The following SH3GL2 variants were observed in gnomAD, a reference collection of about 807,000 sequenced individuals.
SH3GL2 encodes the protein endophilin-A1.
A neutral mutation model predicts 46.0 loss-of-function variants in SH3GL2; 24 were observed. That is an observed-to-expected ratio of 0.52 (90% CI 0.38 to 0.73). The LOEUF (loss-of-function observed/expected upper bound fraction) is 0.73, where lower values mean the gene tolerates loss of function less well. Among genes scored for constraint, SH3GL2 ranks in the 30% least tolerant of loss-of-function variants. The pLI is 0.00. For synonymous variants in SH3GL2, 196 were observed against 147.1 expected, an observed-to-expected ratio of 1.33 and a Z score of -2.40; for missense variants, 413 against 424.2, an observed-to-expected ratio of 0.97 and a Z score of 0.23.
rs186279795 is a variant in SH3GL2 at position 17,768,989 on chromosome 9, C to G, written c.187+7480C>G. Reference sequence around the variant, plus strand: ...TCGCTCCTTCTGAGCTAGCCTTCCTCAAACACACAGGCACTATTGTTCATG... The same window carrying G: ...TCGCTCCTTCTGAGCTAGCCTTCCTGAAACACACAGGCACTATTGTTCATG... On this transcript the variant is annotated intron_variant, in intron 3 of 8. Transcript: ENST00000380607. Among the ~76,000 whole-genome samples the G allele has an allele frequency of 2.3e-3, 344 of 152,312 alleles. 1 individual carries two copies. Among genetic ancestry groups the G allele is most frequent in the African/African-American group, 7.7e-3 (321 of 41,562 alleles).
At chr9:17,792,932 A>C (rs1824175169) in intron 7 of SH3GL2, among the ~76,000 whole-genome samples, 1 of 152,210 alleles carries the variant, frequency 6.6e-6, no homozygotes. Flanking sequence ...GTGGGTACAT[A>C]GGTGTATATA....
intron 1 of SH3GL2, among the ~76,000 whole-genome samples, chr9:17,670,524 T>G (rs1820447732): frequency 1.3e-5 from 2 of 152,330 alleles, no homozygotes; most frequent in African/African-American, 4.8e-5. Context: ...GCTTTTCAAG[T>G]ATTTTCCAAG....
chr9:17,677,904 T>A lies in SH3GL2; in HGVS notation c.46-69162T>A, dbSNP rs1172910043. Among the ~76,000 whole-genome samples the A allele has an allele frequency of 2.0e-5, 3 of 152,248 alleles. No individual in the cohort carries two copies. In the East Asian group the frequency reaches 5.8e-4, roughly 29 times the overall value. ...GTTTGGTTTTTGTCCTTGCGATAGTTTGCTGAGAATGATGGTTTCCAGCTT... is the reference window on the plus strand; with the variant it reads ...GTTTGGTTTTTGTCCTTGCGATAGTATGCTGAGAATGATGGTTTCCAGCTT... On this transcript the variant is annotated intron_variant, in intron 1 of 8. Transcript: ENST00000380607.
At chr9:17,780,141 G>T (rs1474530530) in intron 3 of SH3GL2, among the ~76,000 whole-genome samples, 1 of 152,088 alleles carries the variant, frequency 6.6e-6, no homozygotes, top group African/African-American at 2.4e-5. Context: ...TAAGTATATT[G>T]CTCAATGAAC....
At chr9:17,712,052 C>A (rs1379028501) in intron 1 of SH3GL2, among the ~76,000 whole-genome samples, 8 of 151,754 alleles carry the variant, frequency 5.3e-5, no homozygotes, top group Admixed American at 4.0e-4. Flanking sequence ...ATTGGCATTT[C>A]CTTAATGACC....
chr9:17,795,786 T>TA lies in SH3GL2; in HGVS notation c.*44dup. On this transcript the variant is annotated 3_prime_UTR_variant, in exon 9 of 9. Coordinates refer to ENST00000380607, the MANE Select transcript of SH3GL2 (RefSeq NM_003026.5). ...CTCGCCTCCTCTTGACCCAGATAGTTACGGTTAACCACTGCTTTGGCAATG... is the reference window on the plus strand; with the variant it reads ...CTCGCCTCCTCTTGACCCAGATAGTTAACGGTTAACCACTGCTTTGGCAATG... 6.6e-7 allele frequency: 1 copy of TA among 1,510,020 alleles called. No homozygotes were observed. Among genetic ancestry groups the TA allele is most frequent in the Non-Finnish European group, 9.2e-7 (1 of 1,092,172 alleles). 93.5% of individuals were successfully genotyped at this position (1,510,020 alleles called of 1,614,324 possible). A position where few individuals can be genotyped will look rare whatever the true frequency, so the allele number is the denominator to read the frequency against.
intron 1 of SH3GL2, among the ~76,000 whole-genome samples, chr9:17,620,523 A>C (rs1357815461): frequency 6.6e-6 from 1 of 152,178 alleles, no homozygotes; most frequent in Non-Finnish European, 1.5e-5. Context: ...CAGACATGCA[A>C]CTACTAACCA....
At chr9:17,769,031 T>G (rs1289435588) in intron 3 of SH3GL2, among the ~76,000 whole-genome samples, 1 of 152,052 alleles carries the variant, frequency 6.6e-6, no homozygotes, top group Non-Finnish European at 1.5e-5. Flanking sequence ...GGCCAGCCCC[T>G]TTGCTTCAAT....
chr9:17,669,086 A>G (rs1183012886), intron 1 of SH3GL2, among the ~76,000 whole-genome samples: 2 of 152,238 alleles, frequency 1.3e-5, no homozygotes, highest in Admixed American at 6.5e-5. Flanking sequence ...ATGTAATACC[A>G]TGATTTTTTT....
chr9:17,708,349 C>T (rs1217537484), intron 1 of SH3GL2, among the ~76,000 whole-genome samples: 1 of 151,928 alleles, frequency 6.6e-6, no homozygotes, highest in Non-Finnish European at 1.5e-5. Flanking sequence ...TTATATATTT[C>T]ATTTTTTGAT....
intron 2 of SH3GL2, among the ~76,000 whole-genome samples, chr9:17,747,607 C>T (rs1201107426): frequency 6.6e-6 from 1 of 152,084 alleles, no homozygotes; most frequent in East Asian, 1.9e-4. Flanking sequence ...GCCCAAACTC[C>T]CCTTCCTGCC....
intron 1 of SH3GL2, among the ~76,000 whole-genome samples, chr9:17,607,814 A>G (rs1818788042): frequency 6.6e-6 from 1 of 152,292 alleles, no homozygotes; most frequent in East Asian, 1.9e-4. Context: ...AATTGCCTAG[A>G]TTGAAATGAA....
At chr9:17,744,698 G>A (rs577491427) in intron 1 of SH3GL2, among the ~76,000 whole-genome samples, 3 of 152,152 alleles carry the variant, frequency 2.0e-5, no homozygotes, top group Non-Finnish European at 2.9e-5. Flanking sequence ...TCTAACCCCC[G>A]CACCCAATTT....
intron 1 of SH3GL2, among the ~76,000 whole-genome samples, chr9:17,743,795 A>C (rs1483828102): frequency 6.6e-6 from 1 of 152,206 alleles, no homozygotes; most frequent in East Asian, 1.9e-4. Flanking sequence ...TATAGGATTG[A>C]AAGTGTGATG....
intron 3 of SH3GL2, among the ~76,000 whole-genome samples, chr9:17,770,741 G>A (rs1823454171): frequency 6.6e-6 from 1 of 152,172 alleles, no homozygotes; most frequent in South Asian, 2.1e-4. Flanking sequence ...CCAAGGAGAG[G>A]ACCACATGTC....
At chr9:17,774,267 C>T (rs1385867717) in intron 3 of SH3GL2, among the ~76,000 whole-genome samples, 1 of 152,000 alleles carries the variant, frequency 6.6e-6, no homozygotes, top group African/African-American at 2.4e-5. Context: ...TTGTTTACAT[C>T]CAATTTGGAT....
intron 1 of SH3GL2, among the ~76,000 whole-genome samples, chr9:17,701,044 A>G (rs1382068723): frequency 2.6e-5 from 4 of 152,230 alleles, no homozygotes; most frequent in Non-Finnish European, 4.4e-5. Context: ...CCAATTGGTA[A>G]AATGAACTAT....
At chr9:17,612,295 C>A (rs1818886037) in intron 1 of SH3GL2, among the ~76,000 whole-genome samples, 1 of 152,104 alleles carries the variant, frequency 6.6e-6, no homozygotes, top group Admixed American at 6.5e-5. Flanking sequence ...TAGCTCTGGT[C>A]AGATTTTACA....
chr9:17,585,276 A>C (rs73641991), intron 1 of SH3GL2, among the ~76,000 whole-genome samples: 1 of 152,204 alleles, frequency 6.6e-6, no homozygotes, highest in African/African-American at 2.4e-5. Flanking sequence ...GAACTGCTTC[A>C]AACTTTAAGG....
Sources: allele counts gnomAD v4.1 joint callset (sites outside exome capture counted in the v4.1 genomes callset), GRCh38; gene constraint gnomAD v4.1.1; transcripts MANE v1.5; gene names NCBI Gene and HGNC (gene_info 2026-07-23, HGNC 2026-07-21).